The following PPP2R3B variants were observed in gnomAD, a reference collection of about 807,000 sequenced individuals.
PPP2R3B encodes serine/threonine-protein phosphatase 2A regulatory subunit B'' subunit beta.
A neutral mutation model predicts 72.9 loss-of-function variants in PPP2R3B; 68 were observed. That is an observed-to-expected ratio of 0.93 (90% CI 0.77 to 1.14). The LOEUF is 1.14. PPP2R3B is among the 50% of genes most tolerant of loss of function. PPP2R3B has a pLI of 0.00. For synonymous variants in PPP2R3B, 466 were observed against 375.8 expected (o/e 1.24, Z -2.78); for missense variants, 1,018 against 842.0 (o/e 1.21, Z -2.59).
intron 2 of PPP2R3B, among the ~76,000 whole-genome samples, chrX:352,985 C>T (rs2071361734): frequency 6.6e-6 from 1 of 151,468 alleles, no homozygotes; most frequent in South Asian, 2.1e-4. Flanking sequence ...AGTGTTGGAG[C>T]AGGGCTCTGC....
chrX:379,239 ATGTGTG>A (rs34596346), intron 1 of PPP2R3B, among the ~76,000 whole-genome samples: 1 of 144,126 alleles, frequency 6.9e-6, no homozygotes, highest in African/African-American at 2.6e-5. Flanking sequence ...GTATGCACCT[ATGTGTG>A]TGTGTGTGTA....
At chrX:345,765 G>T in intron 6 of PPP2R3B, 93 bp from the exon 7 acceptor site, 3 of 1,434,770 alleles carry the variant, frequency 2.1e-6, no homozygotes, top group Non-Finnish European at 2.9e-6. Context: ...GGCTGGGAGG[G>T]TCGGGGCCGC....
At chrX:344,132 G>C (rs1201126194) in intron 7 of PPP2R3B, among the ~76,000 whole-genome samples, 3 of 105,444 alleles carry the variant, frequency 2.8e-5, no homozygotes, top group Non-Finnish European at 4.1e-5. Context: ...AACGGGAGGC[G>C]GGAGGGAGAC....
intron 2 of PPP2R3B, among the ~76,000 whole-genome samples, chrX:349,969 A>G (rs1441730632): frequency 6.6e-6 from 1 of 152,016 alleles, no homozygotes; most frequent in Non-Finnish European, 1.5e-5. Context: ...CCCCATCCAC[A>G]TGCACCGAGG....
chrX:353,232 G>T (rs1017334903), intron 2 of PPP2R3B, among the ~76,000 whole-genome samples: 29 of 152,034 alleles, frequency 1.9e-4, no homozygotes, highest in Admixed American at 1.9e-3. Flanking sequence ...AAATTAGCCG[G>T]GTGTGGTGGC....
chrX:345,172 AG>A, intron 7 of PPP2R3B: 1 of 550,326 alleles, frequency 1.8e-6, no homozygotes, highest in Non-Finnish European at 3.5e-6. Flanking sequence ...GGAGCTCCTG[AG>A]GGAAGGCGTG....
At chrX:359,924 C>G in intron 2 of PPP2R3B, 1 of 451,882 alleles carries the variant, frequency 2.2e-6, no homozygotes, top group South Asian at 1.6e-5. Flanking sequence ...ACTTTGTAAC[C>G]ATGGAGGTTT....
chrX:357,550 C>T (rs1206038920), intron 2 of PPP2R3B, among the ~76,000 whole-genome samples: 1 of 152,116 alleles, frequency 6.6e-6, no homozygotes, highest in Non-Finnish European at 1.5e-5. Flanking sequence ...ATAAATGATT[C>T]TGTCAAGAAA....
chrX:347,771 C>A, intron 2 of PPP2R3B, 78 bp from the exon 3 acceptor site: 1 of 1,079,138 alleles, frequency 9.3e-7, no homozygotes, highest in Non-Finnish European at 1.3e-6. Flanking sequence ...CGCGCCTGAC[C>A]GACGCCGCCC....
chrX:340,315 G>A (rs1215788479), intron 10 of PPP2R3B, among the ~76,000 whole-genome samples: 1 of 150,862 alleles, frequency 6.6e-6, no homozygotes, highest in Non-Finnish European at 1.5e-5. Flanking sequence ...AGGTTCTCTA[G>A]GTCACCCCTC....
In PPP2R3B at chrX:369,314, C is replaced by G. The variant is rs1459955331; in HGVS notation, c.325-7724G>C. On this transcript the variant is annotated intron_variant, in intron 1 of 12. Transcript: ENST00000390665. ...CATCCACTTTAAATCCTCCTCAGTA[C>G]GTGTACTTTAAAAAGAACTTCGTAA... is the stretch of plus-strand genomic sequence containing the variant. 4.6e-5 allele frequency among the ~76,000 whole-genome samples: 7 copies of G among 152,258 alleles called. No individual in the cohort carries two copies. The East Asian group carries it at 9.7e-4, about 21-fold the overall frequency.
rs2070959972 is a variant in PPP2R3B at position 338,640 on chromosome X, ACCAGGATGTCGTACTCCTCGG to A, written c.1520_1540del (p.Ala507_Leu513del). On this transcript the variant is annotated inframe_deletion, in exon 12 of 13. Coordinates refer to ENST00000390665, the MANE Select transcript of PPP2R3B (RefSeq NM_013239.5). ...GGGCTCTCCCGCAGTCTCCTCGGCC[ACCAGGATGTCGTACTCCTCGG>A]CCGCGTACTTCTCCCAGTCCGAGAG... The A allele has an allele frequency of 5.6e-6, 9 of 1,608,948 alleles. No homozygotes were observed. The highest frequency in any genetic ancestry group is 1.4e-5 in the African/African-American group (1 of 73,940).
rs965158861 is a variant in PPP2R3B, at chrX:334,209, C to T, written c.*158G>A. 45 of 928,844 alleles carry T rather than the reference C, an allele frequency of 4.8e-5. No homozygotes were observed. The highest frequency in any genetic ancestry group is 4.1e-4 in the East Asian group (12 of 29,080). The allele number at this position is 928,844 out of a possible 1,614,324, so 57.5% of individuals were successfully genotyped here. Reference sequence around the variant, plus strand: ...ACAGAGCTCTGGGCAGGTCCAGCCACGAACCCACAGCGGCAATCAACACGC... The same window carrying T: ...ACAGAGCTCTGGGCAGGTCCAGCCATGAACCCACAGCGGCAATCAACACGC... On this transcript the variant is annotated 3_prime_UTR_variant, in exon 13 of 13. Transcript: ENST00000390665.
At chrX:377,658 G>A (rs1261846219) in intron 1 of PPP2R3B, among the ~76,000 whole-genome samples, 3 of 142,884 alleles carry the variant, frequency 2.1e-5, no homozygotes, top group African/African-American at 7.9e-5. Flanking sequence ...ATGCAGGGAC[G>A]GGCCGTCCAC....
chrX:361,292 C>T (rs768759633), intron 2 of PPP2R3B, 113 bp downstream of exon 2: 49 of 1,213,658 alleles, frequency 4.0e-5, no homozygotes, highest in Admixed American at 6.9e-5. Context: ...CCTCCTCGGC[C>T]GTGCCGCCTC....
At position 333,956 on chromosome X, in the gene PPP2R3B, C is replaced by T. The variant is rs918130952; in HGVS notation, c.*411G>A. The T allele has an allele frequency of 5.4e-5, 9 of 166,636 alleles. No individual in the cohort carries two copies. Among genetic ancestry groups the T allele is most frequent in the South Asian group, 2.0e-4 (1 of 5,038 alleles). The allele number at this position is 166,636 out of a possible 1,614,324, so 10.3% of individuals were successfully genotyped here. ...AATCCTCCAAACGTACAAGCGTGATCGCCAGAAACGGTTTTGTACGTTTAC... is the reference window on the plus strand; with the variant it reads ...AATCCTCCAAACGTACAAGCGTGATTGCCAGAAACGGTTTTGTACGTTTAC... On this transcript the variant is annotated 3_prime_UTR_variant, in exon 13 of 13. Transcript: ENST00000390665.
At chrX:368,548 C>T (rs1164353072) in intron 1 of PPP2R3B, among the ~76,000 whole-genome samples, 4 of 107,000 alleles carry the variant, frequency 3.7e-5, no homozygotes, top group African/African-American at 1.1e-4. Context: ...ACCACCCACC[C>T]CGGGCACCGA....
chrX:341,732 G>A (rs1230872283), intron 8 of PPP2R3B, 151 bp downstream of exon 8: 8 of 867,200 alleles, frequency 9.2e-6, no homozygotes, highest in East Asian at 2.5e-5. Context: ...AGGGATTCAC[G>A]TGACAGAGAC....
chrX:369,623 C>T (rs775654161), intron 1 of PPP2R3B, among the ~76,000 whole-genome samples: 3 of 152,350 alleles, frequency 2.0e-5, no homozygotes, highest in South Asian at 4.1e-4. Context: ...GCCACGTGCA[C>T]CGTGACACAT....
Sources: allele counts gnomAD v4.1 joint callset (sites outside exome capture counted in the v4.1 genomes callset), GRCh38; gene constraint gnomAD v4.1.1; transcripts MANE v1.5; gene names NCBI Gene and HGNC (gene_info 2026-07-23, HGNC 2026-07-21).